Variants in ASPH observed in about 807,000 individuals in gnomAD.
ASPH encodes the protein aspartyl/asparaginyl beta-hydroxylase.
A neutral mutation model predicts 118.4 loss-of-function variants in ASPH; 100 were observed. The observed-to-expected ratio is 0.84, with a 90% CI of 0.72 to 1.00. ASPH has a LOEUF of 1.00. Among genes scored for constraint, ASPH ranks in the 50% least tolerant of loss-of-function variants. ASPH has a pLI of 0.00. For synonymous variants in ASPH, 315 were observed against 325.6 expected (o/e 0.97, Z 0.35); for missense variants, 920 against 919.5 (o/e 1.00, Z -0.01).
At chr8:61,518,682 G>A (rs559381718) in intron 22 of ASPH, among the ~76,000 whole-genome samples, 29 of 152,186 alleles carry the variant, frequency 1.9e-4, no homozygotes, top group African/African-American at 5.5e-4. Context: ...GTATTTTATC[G>A]ATACCATAAG....
chr8:61,697,247 G>C (rs1732364658), intron 1 of ASPH, among the ~76,000 whole-genome samples: 1 of 152,078 alleles, frequency 6.6e-6, no homozygotes, highest in Non-Finnish European at 1.5e-5. Context: ...TACATCTTGG[G>C]GATATTATAA....
intron 14 of ASPH, among the ~76,000 whole-genome samples, chr8:61,589,318 G>C (rs1284864293): frequency 6.6e-6 from 1 of 152,122 alleles, no homozygotes; most frequent in Non-Finnish European, 1.5e-5. Context: ...TCTCAGTGAA[G>C]ACTCTTACTG....
chr8:61,633,999 C>G (rs953712733), intron 12 of ASPH, among the ~76,000 whole-genome samples: 26 of 152,162 alleles, frequency 1.7e-4, no homozygotes, highest in African/African-American at 5.5e-4. Flanking sequence ...AGCAAAGGAG[C>G]TATGGACTAA....
At chr8:61,639,863 C>A (rs531446935) in intron 10 of ASPH, among the ~76,000 whole-genome samples, 4 of 152,158 alleles carry the variant, frequency 2.6e-5, no homozygotes, top group African/African-American at 9.7e-5. Context: ...GAAAAGAGCA[C>A]CCCCTGTCAC....
At chr8:61,578,440 G>A in intron 15 of ASPH, 1 of 1,601,728 alleles carries the variant, frequency 6.2e-7, no homozygotes, top group Non-Finnish European at 8.5e-7. Context: ...AGCCTACTGA[G>A]CCCCCTTGTC....
intron 4 of ASPH, among the ~76,000 whole-genome samples, chr8:61,653,090 C>A (rs965746861): frequency 6.6e-6 from 1 of 152,148 alleles, no homozygotes; most frequent in South Asian, 2.1e-4. Flanking sequence ...GATTTATGAA[C>A]CCATGTGGAC....
intron 14 of ASPH, 107 bp downstream of exon 14, chr8:61,618,871 T>G (rs1007016733): frequency 1.6e-5 from 15 of 967,128 alleles, no homozygotes; most frequent in Non-Finnish European, 2.1e-5. Flanking sequence ...CAGGAGCAAA[T>G]TCTTTTAATT....
intron 13 of ASPH, among the ~76,000 whole-genome samples, chr8:61,631,034 T>TA (rs1237749027): frequency 6.6e-6 from 1 of 152,066 alleles, no homozygotes; most frequent in Non-Finnish European, 1.5e-5. Context: ...TTTAAAAAGT[T>TA]AAAAAAATTG....
chr8:61,625,927 A>T, intron 13 of ASPH: 2 of 1,074,084 alleles, frequency 1.9e-6, no homozygotes, highest in Non-Finnish European at 2.3e-6. Flanking sequence ...TTGCTGCTAC[A>T]TCACCAATAT....
At chr8:61,521,082 C>T (rs1040438727) in intron 22 of ASPH, among the ~76,000 whole-genome samples, 13 of 152,172 alleles carry the variant, frequency 8.5e-5, no homozygotes, top group African/African-American at 2.7e-4. Context: ...TTGATGCTCA[C>T]GACAGGCCAG....
intron 24 of ASPH, among the ~76,000 whole-genome samples, chr8:61,512,774 T>G (rs1475089056): frequency 6.6e-6 from 1 of 152,208 alleles, no homozygotes; most frequent in Non-Finnish European, 1.5e-5. Context: ...GAGCTGTGTT[T>G]GACACAGATA....
At chr8:61,662,953 T>G in intron 3 of ASPH, 1 of 985,418 alleles carries the variant, frequency 1.0e-6, no homozygotes, top group Non-Finnish European at 1.2e-6. Flanking sequence ...GCCATTGAAC[T>G]TAAAAACTAA....
intron 14 of ASPH, 48 bp from the exon 15 acceptor site, chr8:61,584,077 T>C: frequency 1.7e-6 from 2 of 1,208,146 alleles, no homozygotes; most frequent in South Asian, 1.4e-5. Context: ...TGACTAGAAA[T>C]AGTTATTAAG....
intron 1 of ASPH, among the ~76,000 whole-genome samples, chr8:61,687,972 G>A (rs1337677881): frequency 6.6e-6 from 1 of 152,046 alleles, no homozygotes; most frequent in African/African-American, 2.4e-5. Flanking sequence ...ACCTTTTTTA[G>A]GGGCAGTTTT....
chr8:61,531,966 T>C (rs576463813), intron 21 of ASPH, among the ~76,000 whole-genome samples: 5 of 152,346 alleles, frequency 3.3e-5, no homozygotes, highest in African/African-American at 1.2e-4. Flanking sequence ...TGTTTCCATA[T>C]CTTGACTATA....
chr8:61,708,823 G>A (rs1454166440), intron 1 of ASPH, among the ~76,000 whole-genome samples: 1 of 152,112 alleles, frequency 6.6e-6, no homozygotes, highest in Non-Finnish European at 1.5e-5. Context: ...TACAGAGATA[G>A]TGGCTGCCCT....
At chr8:61,622,010 G>T (rs972471933) in intron 13 of ASPH, among the ~76,000 whole-genome samples, 2 of 152,178 alleles carry the variant, frequency 1.3e-5, no homozygotes, top group Non-Finnish European at 2.9e-5. Context: ...ATATTGTCAT[G>T]CAACCACTAA....
At chr8:61,520,117 T>G (rs1302362067) in intron 22 of ASPH, among the ~76,000 whole-genome samples, 1 of 152,220 alleles carries the variant, frequency 6.6e-6, no homozygotes, top group African/African-American at 2.4e-5. Context: ...AGGATTTAAA[T>G]GAAGAAGGCG....
At chr8:61,543,848 T>A (rs889077249) in intron 21 of ASPH, among the ~76,000 whole-genome samples, 2 of 152,190 alleles carry the variant, frequency 1.3e-5, no homozygotes, top group Admixed American at 6.5e-5. Flanking sequence ...TTTTGTGAAA[T>A]CTCTATTGCC....
Sources: gnomAD v4.1 joint callset for allele counts (sites outside exome capture counted in the v4.1 genomes callset) on GRCh38, gnomAD v4.1.1 for gene constraint, MANE v1.5 for transcripts, NCBI Gene and HGNC (gene_info 2026-07-23, HGNC 2026-07-21) for gene names.